The following CDV3 variants were observed in gnomAD, a reference collection of about 807,000 sequenced individuals.
CDV3 encodes the protein protein CDV3 homolog.
In CDV3, 14 loss-of-function variants were observed where a neutral mutation model predicts 24.5. The ratio of observed to expected loss-of-function variants is 0.57; its 90% CI spans 0.38 to 0.89. The LOEUF is 0.89. Among genes scored for constraint, CDV3 ranks in the 40% least tolerant of loss-of-function variants. The probability of loss-of-function intolerance (pLI) is 0.00; values close to 1 mark genes in which losing one functional copy is unlikely to be tolerated. For synonymous variants in CDV3, 114 were observed against 114.1 expected, an observed-to-expected ratio of 1.00 and a Z score of 0.00; for missense variants, 304 against 310.2, an observed-to-expected ratio of 0.98 and a Z score of 0.15.
chr3:133,586,121 A>G (rs142763536), intron 3 of CDV3, among the ~76,000 whole-genome samples: 124 of 152,186 alleles, frequency 8.1e-4, no homozygotes, highest in Non-Finnish European at 1.3e-3. Context: ...TGAGAGCCGG[A>G]GTCTCCTTCT....
rs1432468043 is a variant in CDV3 at position 133,589,299 on chromosome 3, G to A, written c.*1253G>A. On this transcript the variant is annotated 3_prime_UTR_variant, in exon 5 of 5. Coordinates refer to ENST00000264993, the MANE Select transcript of CDV3 (RefSeq NM_017548.5). ...TGCAGTGATTGTCCCAGCTAGCTCT[G>A]TTACCAGCCTTTTGGTGTGTCTTTA... is the stretch of plus-strand genomic sequence containing the variant. The A allele has an allele frequency of 1.3e-5, 2 of 152,634 alleles. No homozygotes were observed. The highest frequency in any genetic ancestry group is 4.8e-5 in the African/African-American group (2 of 41,446). The allele number at this position is 152,634 out of a possible 1,614,324, so 9.5% of individuals were successfully genotyped here.
In CDV3 at chr3:133,587,442, C is replaced by T. The variant is rs77613106; in HGVS notation, c.627-454C>T. The T allele has an allele frequency of 2.9e-4, 332 of 1,157,776 alleles. 1 individual carries two copies. In the East Asian group the frequency reaches 7.1e-3, roughly 25 times the overall value. The allele number at this position is 1,157,776 out of a possible 1,614,324, so 71.7% of individuals were successfully genotyped here. A position where few individuals can be genotyped will look rare whatever the true frequency, so the allele number is the denominator to read the frequency against. ...TGGGAGGGCAGTGATTCACCACACTCGAGTTTCTTTACCTGATCTAATCAG... is the reference window on the plus strand; with the variant it reads ...TGGGAGGGCAGTGATTCACCACACTTGAGTTTCTTTACCTGATCTAATCAG... On this transcript the variant is annotated intron_variant, in intron 4 of 4. Transcript: ENST00000264993.
chr3:133,574,487 C>G, intron 1 of CDV3: 1 of 986,408 alleles, frequency 1.0e-6, no homozygotes, highest in Non-Finnish European at 1.2e-6. Flanking sequence ...TGGAGCCGCC[C>G]TTCCCACCCC....
intron 2 of CDV3, among the ~76,000 whole-genome samples, chr3:133,583,383 T>C (rs115909893): frequency 0.052 from 7,879 of 152,290 alleles, 278 homozygotes; most frequent in Middle Eastern, 0.15. Context: ...TTGTACACTT[T>C]GGTGCAAGGA....
At chr3:133,574,559 G>T in intron 1 of CDV3, 1 of 986,266 alleles carries the variant, frequency 1.0e-6, no homozygotes. Flanking sequence ...TAGGTCTGGG[G>T]CCGCAGTGCC....
intron 2 of CDV3, among the ~76,000 whole-genome samples, chr3:133,576,040 A>G (rs1416628011): frequency 3.3e-5 from 5 of 152,254 alleles, no homozygotes; most frequent in Non-Finnish European, 7.3e-5. Context: ...ACTTTCCTTA[A>G]CTGAAAACTG....
At position 133,573,983 on chromosome 3, in the gene CDV3, C is replaced by T; in HGVS notation, c.-62C>T. On this transcript the variant is annotated 5_prime_UTR_variant, in exon 1 of 5. Transcript: ENST00000264993. ...GCAGAGCCGGCCTCGACCCCGAGCT[C>T]GGAGCCCCGCGGGCCGCGCCCGCCG... The T allele has an allele frequency of 9.9e-7, 1 of 1,010,008 alleles. No individual in the cohort carries two copies. The highest frequency in any genetic ancestry group is 1.7e-5 in the African/African-American group (1 of 57,342). 62.6% of individuals were successfully genotyped at this position (1,010,008 alleles called of 1,614,324 possible). A position where few individuals can be genotyped will look rare whatever the true frequency, so the allele number is the denominator to read the frequency against.
intron 2 of CDV3, among the ~76,000 whole-genome samples, chr3:133,582,848 C>G (rs963398080): frequency 1.3e-5 from 2 of 152,102 alleles, no homozygotes; most frequent in Non-Finnish European, 2.9e-5. Context: ...TGAAGAGTTG[C>G]AAAAAGGACG....
intron 3 of CDV3, among the ~76,000 whole-genome samples, chr3:133,585,518 A>G (rs187658083): frequency 5.1e-4 from 76 of 147,756 alleles, no homozygotes; most frequent in African/African-American, 1.8e-3. Flanking sequence ...TTTTTAAGAC[A>G]AAGTCTCACT....
At position 133,574,203 on chromosome 3, in the gene CDV3, C is replaced by G. The variant is rs941663002; in HGVS notation, c.159C>G (p.Gly53=). 2 of 1,014,014 alleles carry G rather than the reference C, an allele frequency of 2.0e-6. No homozygotes were observed. Among genetic ancestry groups the G allele is most frequent in the Non-Finnish European group, 2.3e-6 (2 of 853,054 alleles). The allele number at this position is 1,014,014 out of a possible 1,614,324, so 62.8% of individuals were successfully genotyped here. The part of the protein sequence containing the change: ...GAAGAAGGGA[G]AGTRPGDGGT... ...CGGGTGCGGCGGGCGGCGGGGCGGG[C>G]GCGGGGACCCGGCCGGGTGACGGCG... is the stretch of plus-strand genomic sequence containing the variant. The change falls in exon 1 of 5, where the codon GGC becomes GGG. Residue 53 remains glycine (G), a synonymous_variant. Coordinates refer to ENST00000264993, the MANE Select transcript of CDV3 (RefSeq NM_017548.5).
rs565179457 is a variant in CDV3, at chr3:133,589,929, G to A, written c.*1883G>A. ...AAAACCTTAAAAAAATCTCTTCATC[G>A]TTGAACTGTGCATTTTCCCTGCATT... On this transcript the variant is annotated 3_prime_UTR_variant, in exon 5 of 5. Transcript: ENST00000264993. The A allele has an allele frequency of 1.3e-5, 2 of 152,256 alleles. No homozygotes were observed. Among genetic ancestry groups the A allele is most frequent in the South Asian group, 2.1e-4 (1 of 4,818 alleles). 9.4% of individuals were successfully genotyped at this position (152,256 alleles called of 1,614,324 possible).
Position 133,573,960 on chromosome 3 carries a change from A to C in CDV3, c.-85A>C. 1 of 989,618 alleles carries C rather than the reference A, an allele frequency of 1.0e-6. No individual in the cohort carries two copies. Among genetic ancestry groups the C allele is most frequent in the Non-Finnish European group, 1.2e-6 (1 of 831,674 alleles). 61.3% of individuals were successfully genotyped at this position (989,618 alleles called of 1,614,324 possible). A position where few individuals can be genotyped will look rare whatever the true frequency, so the allele number is the denominator to read the frequency against. ...TCGCCGCGCCCGGCAGCGTGAGCGC[A>C]GAGCCGGCCTCGACCCCGAGCTCGG... On this transcript the variant is annotated 5_prime_UTR_variant, in exon 1 of 5. Transcript: ENST00000264993.
At chr3:133,574,863 A>T in intron 1 of CDV3, 176 bp from the exon 2 acceptor site, 1 of 717,562 alleles carries the variant, frequency 1.4e-6, no homozygotes, top group South Asian at 2.3e-5. Context: ...GCCTACGAGC[A>T]TGTTTGTCCT....
intron 2 of CDV3, among the ~76,000 whole-genome samples, chr3:133,579,809 T>G (rs146261487): frequency 6.6e-6 from 1 of 152,042 alleles, no homozygotes. Context: ...GTCAGGGTGG[T>G]CTCGAACTCC....
chr3:133,586,639 A>G lies in CDV3; in HGVS notation c.543A>G (p.Lys181=). The G allele has an allele frequency of 6.3e-7, 1 of 1,596,808 alleles. No individual in the cohort carries two copies. The part of the protein sequence containing the change: ...PPGARLTTTR[K]TPQGPPEIYS... ...GGGCCAGGTTAACCACAACAAGGAA[A>G]ACACCACAAGGACCACCAGAAATCT... The change falls in exon 4 of 5, where the codon AAA becomes AAG. Residue 181 remains lysine, a synonymous_variant. Transcript: ENST00000264993.
intron 2 of CDV3, among the ~76,000 whole-genome samples, chr3:133,579,298 A>G (rs912505373): frequency 6.6e-6 from 1 of 152,208 alleles, no homozygotes; most frequent in Non-Finnish European, 1.5e-5. Flanking sequence ...ATTGTGATGA[A>G]TTTACAGCAG....
chr3:133,577,001 CCA>C (rs1449448548), intron 2 of CDV3, among the ~76,000 whole-genome samples: 1 of 151,796 alleles, frequency 6.6e-6, no homozygotes, highest in Non-Finnish European at 1.5e-5. Flanking sequence ...GCGCCCGCCA[CCA>C]CACCTGGCTA....
At chr3:133,576,644 A>G (rs377424666) in intron 2 of CDV3, among the ~76,000 whole-genome samples, 1 of 152,176 alleles carries the variant, frequency 6.6e-6, no homozygotes, top group Non-Finnish European at 1.5e-5. Flanking sequence ...TTATTTAAAC[A>G]GAACCTGTGT....
chr3:133,577,070 A>G (rs1435068525), intron 2 of CDV3, among the ~76,000 whole-genome samples: 2 of 149,144 alleles, frequency 1.3e-5, no homozygotes, highest in African/African-American at 2.5e-5. Flanking sequence ...CTGGTTTTGA[A>G]CTCCTGACCT....
Sources: gnomAD v4.1 joint callset for allele counts (sites outside exome capture counted in the v4.1 genomes callset) on GRCh38, gnomAD v4.1.1 for gene constraint, MANE v1.5 for transcripts, NCBI Gene and HGNC (gene_info 2026-07-23, HGNC 2026-07-21) for gene names.